The following WDR72 variants were observed in gnomAD, a reference collection of about 807,000 sequenced individuals.
The protein encoded by WDR72 is WD repeat-containing protein 72.
WDR72 carries 120 observed loss-of-function variants against 124.2 expected under a neutral mutation model. The observed-to-expected ratio is 0.97, with a 90% confidence interval of 0.83 to 1.12. The LOEUF (loss-of-function observed/expected upper bound fraction) is 1.12, where lower values mean the gene tolerates loss of function less well. Among genes scored for constraint, WDR72 ranks in the 50% most tolerant of loss-of-function variants. The pLI, the probability that WDR72 is intolerant of heterozygous loss-of-function variation, is 0.00. For missense variants in WDR72, 1,387 were observed against 1,278.8 expected (o/e 1.08, Z -1.29); for synonymous variants, 452 against 441.7 (o/e 1.02, Z -0.29).
chr15:53,674,534 A>G (rs554633165), intron 13 of WDR72, among the ~76,000 whole-genome samples: 3 of 152,190 alleles, frequency 2.0e-5, no homozygotes, highest in Non-Finnish European at 4.4e-5. Context: ...GAGGTATCAA[A>G]TTTAGCTAAC....
intron 14 of WDR72, among the ~76,000 whole-genome samples, chr15:53,653,291 T>C (rs541036898): frequency 6.6e-6 from 1 of 152,272 alleles, no homozygotes; most frequent in African/African-American, 2.4e-5. Context: ...GATAAAGTTA[T>C]AAAATAGGTT....
At chr15:53,616,359 G>T in intron 14 of WDR72, 116 bp from the exon 15 acceptor site, 1 of 739,648 alleles carries the variant, frequency 1.4e-6, no homozygotes, top group Non-Finnish European at 2.1e-6. Flanking sequence ...CTAAAGGCAA[G>T]TCATTTCAAT....
chr15:53,727,956 T>C (rs2018090176), intron 2 of WDR72, among the ~76,000 whole-genome samples: 1 of 152,230 alleles, frequency 6.6e-6, no homozygotes, highest in Non-Finnish European at 1.5e-5. Context: ...TCTACTTTTA[T>C]GAAGCATTGG....
rs560815872 is a variant in WDR72 at position 53,686,127 on chromosome 15, C to T, written c.1765+13623G>A. On this transcript the variant is annotated intron_variant, in intron 13 of 19. Transcript: ENST00000360509. ...AATCATGCCAAAATGTAAAGACCAT[C>T]GAGACGAGGACGAAACTGCATCAAC... 1.1e-3 allele frequency among the ~76,000 whole-genome samples: 165 copies of T among 147,846 alleles called. 3 individuals carry two copies. The highest frequency in any genetic ancestry group is 0.01 in the Admixed American group (149 of 14,814).
At chr15:53,596,044 A>AG (rs1434823924) in intron 18 of WDR72, among the ~76,000 whole-genome samples, 15 of 152,156 alleles carry the variant, frequency 9.9e-5, no homozygotes, top group Admixed American at 6.6e-4. Flanking sequence ...AAAAACAATG[A>AG]GAAGAAATCA....
At chr15:53,518,956 T>A (rs1276383920) in intron 19 of WDR72, among the ~76,000 whole-genome samples, 1 of 152,092 alleles carries the variant, frequency 6.6e-6, no homozygotes, top group Non-Finnish European at 1.5e-5. Context: ...GCATACTGAT[T>A]ATAAACTACT....
chr15:53,600,508 G>C (rs1257616318), intron 17 of WDR72, among the ~76,000 whole-genome samples: 1 of 152,098 alleles, frequency 6.6e-6, no homozygotes, highest in Non-Finnish European at 1.5e-5. Context: ...TGACTGGAAA[G>C]AGTCAGCTAC....
intron 18 of WDR72, among the ~76,000 whole-genome samples, chr15:53,533,930 G>C (rs1222176389): frequency 1.3e-5 from 2 of 152,044 alleles, no homozygotes; most frequent in African/African-American, 4.8e-5. Flanking sequence ...TATTTGGCCT[G>C]TGTTATACTT....
Position 53,514,578 on chromosome 15 carries a change from T to C in WDR72, c.*3121A>G, listed in dbSNP as rs1366955300. ...GTCACCAAATGCTATCATCTAAAGA[T>C]AGAATATTAATATTTAACAAACTGT... On this transcript the variant is annotated 3_prime_UTR_variant, in exon 20 of 20. Transcript: ENST00000360509. The C allele has an allele frequency of 2.0e-5, 3 of 152,176 alleles. No homozygotes were observed. The highest frequency in any genetic ancestry group is 4.4e-5 in the Non-Finnish European group (3 of 68,032). 9.4% of individuals were successfully genotyped at this position (152,176 alleles called of 1,614,324 possible).
At chr15:53,718,548 T>TC (rs1341855333) in intron 3 of WDR72, among the ~76,000 whole-genome samples, 1 of 152,106 alleles carries the variant, frequency 6.6e-6, no homozygotes. Flanking sequence ...TCAATTTTGC[T>TC]TAATAAAAGA....
intron 18 of WDR72, among the ~76,000 whole-genome samples, chr15:53,591,034 T>A (rs2012466336): frequency 6.6e-6 from 1 of 151,992 alleles, no homozygotes; most frequent in South Asian, 2.1e-4. Flanking sequence ...GAAAAGGGCA[T>A]AAATGGCTTC....
intron 2 of WDR72, among the ~76,000 whole-genome samples, chr15:53,732,578 T>A (rs958904176): frequency 6.6e-6 from 1 of 152,126 alleles, no homozygotes; most frequent in East Asian, 1.9e-4. Flanking sequence ...GAAGGCCAAA[T>A]GAGCAGAAAC....
At chr15:53,701,794 A>T (rs562619867) in intron 12 of WDR72, among the ~76,000 whole-genome samples, 92 of 151,982 alleles carry the variant, frequency 6.1e-4, no homozygotes, top group Middle Eastern at 3.4e-3. Flanking sequence ...CTACTTTTTT[A>T]AAAAAAAGAT....
At chr15:53,729,043 C>T (rs1386712285) in intron 2 of WDR72, among the ~76,000 whole-genome samples, 1 of 152,100 alleles carries the variant, frequency 6.6e-6, no homozygotes, top group African/African-American at 2.4e-5. Context: ...TATTCCTATT[C>T]TCCAATCCCC....
chr15:53,611,806 G>A (rs1359509074), intron 16 of WDR72, among the ~76,000 whole-genome samples: 1 of 151,944 alleles, frequency 6.6e-6, no homozygotes, highest in Non-Finnish European at 1.5e-5. Flanking sequence ...TACATTAAAT[G>A]AGATAATATA....
At chr15:53,743,712 C>T (rs1292900245) in intron 1 of WDR72, among the ~76,000 whole-genome samples, 1 of 152,204 alleles carries the variant, frequency 6.6e-6, no homozygotes, top group East Asian at 1.9e-4. Context: ...CACAGTGGCT[C>T]ACGCCTGTAA....
chr15:53,715,299 G>C lies in WDR72; in HGVS notation c.408C>G (p.Val136=), dbSNP rs886051303. 6.2e-7 allele frequency: 1 copy of C among 1,614,080 alleles called. No homozygotes were observed. The highest frequency in any genetic ancestry group is 1.1e-5 in the South Asian group (1 of 91,076). ...CCAAAGTTTTGGCATCAATTATAAG[G>C]ACATCTTGATATTCTCCACAACAAA... The part of the protein sequence containing the change: ...WLLCCGEYQD[V]LIIDAKTLAV... The change falls in exon 5 of 20, where the codon GTC becomes GTG. Residue 136 remains valine (V), a synonymous_variant. Coordinates refer to ENST00000360509, the MANE Select transcript of WDR72 (RefSeq NM_182758.4).
chr15:53,745,719 T>C (rs1022941680), intron 1 of WDR72, among the ~76,000 whole-genome samples: 1 of 152,150 alleles, frequency 6.6e-6, no homozygotes, highest in Non-Finnish European at 1.5e-5. Context: ...CCTGTAGGCA[T>C]AGTAGGGTCT....
At chr15:53,641,389 G>C (rs1199185705) in intron 14 of WDR72, among the ~76,000 whole-genome samples, 2 of 151,920 alleles carry the variant, frequency 1.3e-5, no homozygotes, top group African/African-American at 4.8e-5. Flanking sequence ...AGATAAATAT[G>C]TAGACAGAGA....
Sources: gnomAD v4.1 joint callset for allele counts (sites outside exome capture counted in the v4.1 genomes callset) on GRCh38, gnomAD v4.1.1 for gene constraint, MANE v1.5 for transcripts, NCBI Gene and HGNC (gene_info 2026-07-23, HGNC 2026-07-21) for gene names.